The following ELSPBP1 variants were observed in gnomAD, a reference collection of about 807,000 sequenced individuals.
ELSPBP1 encodes the protein epididymal sperm-binding protein 1.
A neutral mutation model predicts 33.3 loss-of-function variants in ELSPBP1; 38 were observed. That is an observed-to-expected ratio of 1.14 (90% confidence interval 0.88 to 1.50). The LOEUF (loss-of-function observed/expected upper bound fraction) is 1.50, where lower values mean the gene tolerates loss of function less well. Among genes scored for constraint, ELSPBP1 ranks in the 40% most tolerant of loss-of-function variants. The pLI, the probability that ELSPBP1 is intolerant of heterozygous loss-of-function variation, is 0.00. For synonymous variants in ELSPBP1, 85 were observed against 94.1 expected (o/e 0.90, Z 0.56); for missense variants, 267 against 263.5 (o/e 1.01, Z -0.09).
At chr19:47,998,786 CAAAAAA>C (rs34853595) in intron 1 of ELSPBP1, among the ~76,000 whole-genome samples, 4 of 110,978 alleles carry the variant, frequency 3.6e-5, no homozygotes, top group Non-Finnish European at 5.5e-5. Context: ...GACTCCGTCT[CAAAAAA>C]AAAAAAAAAA....
intron 4 of ELSPBP1, among the ~76,000 whole-genome samples, chr19:48,019,169 A>ACGTCTCGAAGT (rs1967172078): frequency 6.6e-6 from 1 of 152,004 alleles, no homozygotes; most frequent in African/African-American, 2.4e-5. Flanking sequence ...ATAAAAAATA[A>ACGTCTCGAAGT]CGTCTCGAAG....
chr19:47,998,655 T>C (rs1349277658), intron 1 of ELSPBP1, among the ~76,000 whole-genome samples: 5 of 150,546 alleles, frequency 3.3e-5, no homozygotes, highest in Non-Finnish European at 7.4e-5. Context: ...AGCGTGGTGG[T>C]GGGCGCCTGT....
chr19:48,008,659 G>A lies in ELSPBP1; in HGVS notation c.-9G>A. The A allele has an allele frequency of 6.2e-7, 1 of 1,613,514 alleles. No homozygotes were observed. Among genetic ancestry groups the A allele is most frequent in the Non-Finnish European group, 8.5e-7 (1 of 1,179,690 alleles). Reference sequence around the variant, plus strand: ...TGTCTTCTTTTCCACAGAGAAGAGGGCAGCCAAGATGACCCGATGGTCCAG... The same window carrying A: ...TGTCTTCTTTTCCACAGAGAAGAGGACAGCCAAGATGACCCGATGGTCCAG... On this transcript the variant is annotated 5_prime_UTR_variant, in exon 2 of 7. Coordinates refer to ENST00000339841, the MANE Select transcript of ELSPBP1 (RefSeq NM_022142.5).
chr19:48,016,797 C>T (rs1568407653), intron 4 of ELSPBP1, among the ~76,000 whole-genome samples: 1 of 151,904 alleles, frequency 6.6e-6, no homozygotes, highest in Non-Finnish European at 1.5e-5. Flanking sequence ...CGGGGTTTCA[C>T]CATGTTGGCC....
intron 6 of ELSPBP1, among the ~76,000 whole-genome samples, chr19:48,023,960 T>C (rs1458298379): frequency 6.6e-6 from 1 of 151,978 alleles, no homozygotes; most frequent in African/African-American, 2.4e-5. Flanking sequence ...AGCCTCTGCC[T>C]CCTGGGTTCA....
In ELSPBP1 at chr19:48,003,539, C is replaced by CTTTTT. The variant is rs34961390; in HGVS notation, c.-17-5099_-17-5095dup. ...TGAATGAATAAATGCCACCCCTGCT[C>CTTTTT]TTTTTTTTTTTTTTTTTGATGGAGT... is the stretch of plus-strand genomic sequence containing the variant. On this transcript the variant is annotated intron_variant, in intron 1 of 6. Transcript: ENST00000339841. 1.6e-4 allele frequency among the ~76,000 whole-genome samples: 22 copies of CTTTTT among 138,888 alleles called. 6 individuals are homozygous for CTTTTT. Among genetic ancestry groups the CTTTTT allele is most frequent in the East Asian group, 2.2e-4 (1 of 4,628 alleles). The allele number at this position is 138,888 out of a possible 152,430, so 91.1% of individuals were successfully genotyped here. A position where few individuals can be genotyped will look rare whatever the true frequency, so the allele number is the denominator to read the frequency against.
intron 4 of ELSPBP1, among the ~76,000 whole-genome samples, chr19:48,018,851 C>G (rs892178288): frequency 6.6e-5 from 10 of 152,156 alleles, no homozygotes; most frequent in Non-Finnish European, 1.0e-4. Flanking sequence ...ACTTCCTTGA[C>G]AGCATCTTAA....
At position 48,008,662 on chromosome 19, in the gene ELSPBP1, G is replaced by A. The variant is rs969751517; in HGVS notation, c.-6G>A. On this transcript the variant is annotated 5_prime_UTR_variant, in exon 2 of 7. Coordinates refer to ENST00000339841, the MANE Select transcript of ELSPBP1 (RefSeq NM_022142.5). ...CTTCTTTTCCACAGAGAAGAGGGCAGCCAAGATGACCCGATGGTCCAGTTA... is the reference window on the plus strand; with the variant it reads ...CTTCTTTTCCACAGAGAAGAGGGCAACCAAGATGACCCGATGGTCCAGTTA... 6.2e-7 allele frequency: 1 copy of A among 1,613,556 alleles called. No homozygotes were observed. The highest frequency in any genetic ancestry group is 1.3e-5 in the African/African-American group (1 of 74,884).
intron 1 of ELSPBP1, among the ~76,000 whole-genome samples, chr19:48,004,286 G>A (rs528815754): frequency 5.4e-4 from 82 of 151,882 alleles, no homozygotes; most frequent in African/African-American, 1.9e-3. Flanking sequence ...TACAGGGTCC[G>A]GTCCCATCCA....
At chr19:48,010,289 T>C (rs1158510532) in intron 2 of ELSPBP1, among the ~76,000 whole-genome samples, 2 of 152,114 alleles carry the variant, frequency 1.3e-5, no homozygotes, top group African/African-American at 4.8e-5. Flanking sequence ...TGATGGGGTA[T>C]CCACTTTTCT....
intron 5 of ELSPBP1, 60 bp downstream of exon 5, chr19:48,019,937 A>C: frequency 6.4e-7 from 1 of 1,562,982 alleles, no homozygotes; most frequent in Non-Finnish European, 8.7e-7. Context: ...TTTGCTCAAC[A>C]AACACCTCCT....
chr19:47,996,323 G>T (rs1170164755), intron 1 of ELSPBP1, among the ~76,000 whole-genome samples: 1 of 150,698 alleles, frequency 6.6e-6, no homozygotes, highest in East Asian at 1.9e-4. Context: ...GGTTCCTCTT[G>T]GTACTTGACA....
In ELSPBP1 at chr19:48,011,579, G is replaced by A. The variant is rs1288232571; in HGVS notation, c.71-2592G>A. Among the ~76,000 whole-genome samples the A allele has an allele frequency of 2.7e-5, 4 of 150,382 alleles. No homozygotes were observed. Among genetic ancestry groups the A allele is most frequent in the African/African-American group, 9.8e-5 (4 of 40,692 alleles). On this transcript the variant is annotated intron_variant, in intron 2 of 6. Coordinates refer to ENST00000339841, the MANE Select transcript of ELSPBP1 (RefSeq NM_022142.5). The surrounding 1 kb of genome is among the most constrained non-coding windows in gnomAD (Gnocchi z 4.5). ...ATGACAATGATGATCATCATCACAT[G>A]ATAATGACAATAATGAGGTGGATTA... is the stretch of plus-strand genomic sequence containing the variant.
chr19:48,012,151 G>C (rs553566262), intron 2 of ELSPBP1, among the ~76,000 whole-genome samples: 23 of 151,932 alleles, frequency 1.5e-4, no homozygotes, highest in Non-Finnish European at 2.4e-4. Flanking sequence ...TTTCAGACAG[G>C]GTCTCACTCT....
At position 48,001,550 on chromosome 19, in the gene ELSPBP1, CAA is replaced by C. The variant is rs576812595; in HGVS notation, c.-18+6741_-18+6742del. Among the ~76,000 whole-genome samples the C allele has an allele frequency of 1.4e-4, 22 of 151,994 alleles. No homozygotes were observed. The South Asian group carries it at 4.4e-3, about 30-fold the overall frequency. Reference sequence around the variant, plus strand: ...AAGATCCTTAGCTTTATGACATCTGCAAAGTCTTCCACACTCCTTTTTTTGAG... The same window carrying C: ...AAGATCCTTAGCTTTATGACATCTGCAGTCTTCCACACTCCTTTTTTTGAG... On this transcript the variant is annotated intron_variant, in intron 1 of 6. Transcript: ENST00000339841.
chr19:48,003,539 C>CTTTTTTTTTTTT, intron 1 of ELSPBP1, among the ~76,000 whole-genome samples: 1 of 138,890 alleles, frequency 7.2e-6, no homozygotes, highest in Non-Finnish European at 1.6e-5. Context: ...CACCCCTGCT[C>CTTTTTTTTTTTT]TTTTTTTTTT....
At chr19:48,010,799 G>A (rs1600106228) in intron 2 of ELSPBP1, among the ~76,000 whole-genome samples, 1 of 152,316 alleles carries the variant, frequency 6.6e-6, no homozygotes, top group East Asian at 1.9e-4. Context: ...CTGGATTATA[G>A]AGGATTGTAA....
chr19:48,019,896 T>C lies in ELSPBP1; in HGVS notation c.514+19T>C, dbSNP rs1340099109. 1.2e-6 allele frequency: 2 copies of C among 1,609,734 alleles called. No individual in the cohort carries two copies. The highest frequency in any genetic ancestry group is 1.7e-4 in the Middle Eastern group (1 of 5,968). On this transcript the variant is annotated intron_variant, in intron 5 of 6. Coordinates refer to ENST00000339841, the MANE Select transcript of ELSPBP1 (RefSeq NM_022142.5). The stretch of plus-strand genomic sequence containing the variant: ...GACACCAGTAATCTGGGGATGGGGG[T>C]TGGGTGGGTGTGGGTGGAGTCTTTC...
Position 48,001,368 on chromosome 19 carries a change from A to T in ELSPBP1, c.-18+6557A>T, listed in dbSNP as rs527654087. Among the ~76,000 whole-genome samples, 151 of 147,136 alleles carry T rather than the reference A, an allele frequency of 1.0e-3. 1 individual carries two copies. Among genetic ancestry groups the T allele is most frequent in the African/African-American group, 3.5e-3 (140 of 39,774 alleles). The stretch of plus-strand genomic sequence containing the variant: ...CTAATTTTTTTTTTTTTTGTAGTAG[A>T]GACGTGGTTTCACCATGTTGGCCAG... On this transcript the variant is annotated intron_variant, in intron 1 of 6. Coordinates refer to ENST00000339841, the MANE Select transcript of ELSPBP1 (RefSeq NM_022142.5).
Sources: gnomAD v4.1 joint callset for allele counts (sites outside exome capture counted in the v4.1 genomes callset) on GRCh38, gnomAD v4.1.1 for gene constraint, Gnocchi (gnomAD v3.1) non-coding constraint, MANE v1.5 for transcripts, NCBI Gene and HGNC (gene_info 2026-07-23, HGNC 2026-07-21) for gene names.